Variants in YTHDC1 observed in about 807,000 individuals in gnomAD.
YTHDC1 encodes YTH domain-containing protein 1.
Under a neutral mutation model 107.0 loss-of-function variants are expected in YTHDC1, and 12 were observed. The observed-to-expected ratio is 0.11, with a 90% CI of 0.07 to 0.18. The LOEUF is 0.18. Among genes scored for constraint, YTHDC1 ranks in the 10% least tolerant of loss-of-function variants. The pLI, the probability that YTHDC1 is intolerant of heterozygous loss-of-function variation, is 1.00. For missense variants in YTHDC1, 635 were observed against 898.8 expected, an observed-to-expected ratio of 0.71 and a Z score of 3.75; for synonymous variants, 280 against 289.5, an observed-to-expected ratio of 0.97 and a Z score of 0.33.
chr4:68,346,100 T>TATATATATATATATATATATATATATAC (rs144743953), intron 1 of YTHDC1, among the ~76,000 whole-genome samples: 3 of 134,122 alleles, frequency 2.2e-5, no homozygotes, highest in Admixed American at 7.6e-5. Flanking sequence ...TATATATATA[T>TATATATATATATATATATATATATATAC]ACACACACAC....
chr4:68,338,246 C>T lies in YTHDC1; in HGVS notation c.130+37G>A, dbSNP rs201537769. ...AGAAATTGAATCTCCTCTATTTATA[C>T]TGTTATTTCAACAAAAATAATAGAA... On this transcript the variant is annotated intron_variant, in intron 2 of 16. Coordinates refer to ENST00000344157, the MANE Select transcript of YTHDC1 (RefSeq NM_001031732.4). 6 of 1,528,524 alleles carry T rather than the reference C, an allele frequency of 3.9e-6. No individual in the cohort carries two copies. The African/African-American group carries it at 8.3e-5, about 21-fold the overall frequency. 94.7% of individuals were successfully genotyped at this position (1,528,524 alleles called of 1,614,324 possible).
chr4:68,349,881 T>G lies in YTHDC1; in HGVS notation c.-128A>C, dbSNP rs1281373794. 7 of 1,335,490 alleles carry G rather than the reference T, an allele frequency of 5.2e-6. No individual in the cohort carries two copies. The highest frequency in any genetic ancestry group is 7.4e-6 in the Non-Finnish European group (7 of 948,046). 82.7% of individuals were successfully genotyped at this position (1,335,490 alleles called of 1,614,324 possible). A position where few individuals can be genotyped will look rare whatever the true frequency, so the allele number is the denominator to read the frequency against. On this transcript the variant is annotated 5_prime_UTR_variant, in exon 1 of 17. Coordinates refer to ENST00000344157, the MANE Select transcript of YTHDC1 (RefSeq NM_001031732.4). ...GTCTGCCCGGATACGCGCGTCGCAC[T>G]TGGCCTCTTAACACTCAGCCTTCTC...
intron 4 of YTHDC1, among the ~76,000 whole-genome samples, chr4:68,335,914 T>C (rs941937395): frequency 2.6e-5 from 4 of 150,944 alleles, no homozygotes; most frequent in Admixed American, 6.6e-5. Flanking sequence ...TTGAAAGCAC[T>C]TCAGTTGCCA....
intron 15 of YTHDC1, among the ~76,000 whole-genome samples, chr4:68,318,071 G>A (rs534445207): frequency 5.3e-5 from 8 of 152,126 alleles, no homozygotes; most frequent in Admixed American, 2.0e-4. Context: ...TTGAAAGACA[G>A]CATACAATTA....
At position 68,338,269 on chromosome 4, in the gene YTHDC1, G is replaced by T; in HGVS notation, c.130+14C>A. ...TACTGTTATTTCAACAAAAATAATA[G>T]AACTCTTACATACCCTTTTTCTCAT... On this transcript the variant is annotated intron_variant, in intron 2 of 16. Transcript: ENST00000344157. 1 of 1,579,184 alleles carries T rather than the reference G, an allele frequency of 6.3e-7. No homozygotes were observed. Among genetic ancestry groups the T allele is most frequent in the Non-Finnish European group, 8.6e-7 (1 of 1,158,730 alleles).
chr4:68,316,263 C>T, intron 16 of YTHDC1, 51 bp downstream of exon 16: 1 of 1,555,868 alleles, frequency 6.4e-7, no homozygotes, highest in Non-Finnish European at 8.7e-7. Flanking sequence ...TTTAAGTTAC[C>T]TACAGAATTC....
Position 68,314,047 on chromosome 4 carries a change from A to G in YTHDC1, c.*52T>C. ...TACTACTTGTAAACACACACAAAAA[A>G]AAAATACAAGATTTTTTGTATCTTT... On this transcript the variant is annotated 3_prime_UTR_variant, in exon 17 of 17. Transcript: ENST00000344157. 2 of 1,578,144 alleles carry G rather than the reference A, an allele frequency of 1.3e-6. No homozygotes were observed. The highest frequency in any genetic ancestry group is 1.7e-6 in the Non-Finnish European group (2 of 1,158,996).
At chr4:68,346,543 T>A (rs1481530453) in intron 1 of YTHDC1, among the ~76,000 whole-genome samples, 1 of 152,220 alleles carries the variant, frequency 6.6e-6, no homozygotes, top group Non-Finnish European at 1.5e-5. Context: ...GTGCGCTAAG[T>A]AGTGTGATGA....
At chr4:68,335,846 T>C (rs945994267) in intron 4 of YTHDC1, among the ~76,000 whole-genome samples, 3 of 151,448 alleles carry the variant, frequency 2.0e-5, no homozygotes, top group South Asian at 2.1e-4. Context: ...TGTTTAACTC[T>C]ACCTCCCTTG....
chr4:68,324,838 A>C (rs1232227740), intron 9 of YTHDC1, among the ~76,000 whole-genome samples: 2 of 152,200 alleles, frequency 1.3e-5, no homozygotes, highest in African/African-American at 4.8e-5. Flanking sequence ...CTGAAACTCA[A>C]GGGCAGTATC....
chr4:68,330,085 T>C lies in YTHDC1; in HGVS notation c.1266A>G (p.Gly422=), dbSNP rs768883447. The C allele has an allele frequency of 1.2e-5, 20 of 1,613,590 alleles. No individual in the cohort carries two copies. Among genetic ancestry groups the C allele is most frequent in the Non-Finnish European group, 1.6e-5 (19 of 1,179,650 alleles). ...GAAGCACCCAGTGTATAGGAGATCC[T>C]CCGTGATGTGATTCTGAAGAAAGTC... ...FARLSSESHH[G]GSPIHWVLPA... is the part of the protein sequence containing the mutation. Residue 422 remains glycine, a synonymous_variant, in exon 9 of 17, where the codon GGA becomes GGG. Coordinates refer to ENST00000344157, the MANE Select transcript of YTHDC1 (RefSeq NM_001031732.4).
Position 68,337,136 on chromosome 4 carries a change from T to C in YTHDC1, c.774A>G (p.Lys258=), listed in dbSNP as rs771190731. 4 of 1,613,922 alleles carry C rather than the reference T, an allele frequency of 2.5e-6. No individual in the cohort carries two copies. The highest frequency in any genetic ancestry group is 1.6e-4 in the Middle Eastern group (1 of 6,084). Residue 258 remains lysine, a synonymous_variant, in exon 4 of 17, where the codon AAA becomes AAG. Coordinates refer to ENST00000344157, the MANE Select transcript of YTHDC1 (RefSeq NM_001031732.4). ...EEYEQDERDQ[K]EEGNDYDTRS... is the part of the protein sequence containing the mutation. ...GAGTGTCATAATCATTTCCCTCCTC[T>C]TTCTGGTCTCTCTCATCCTGTTCAT...
rs1263256329 is a variant in YTHDC1 at position 68,349,843 on chromosome 4, C to G, written c.-90G>C. On this transcript the variant is annotated 5_prime_UTR_variant, in exon 1 of 17. Coordinates refer to ENST00000344157, the MANE Select transcript of YTHDC1 (RefSeq NM_001031732.4). ...CGCAGCCGCGGCAGAAGCACGGGCC[C>G]GTCCGTCAGTCCGTCTGCCCGGATA... 7 of 1,579,848 alleles carry G rather than the reference C, an allele frequency of 4.4e-6. No homozygotes were observed. In the Admixed American group the frequency reaches 1.2e-4, roughly 27 times the overall value.
At position 68,348,185 on chromosome 4, in the gene YTHDC1, T is replaced by A. The variant is rs550009068; in HGVS notation, c.28+1541A>T. On this transcript the variant is annotated intron_variant, in intron 1 of 16. Transcript: ENST00000344157. Reference sequence around the variant, plus strand: ...AATCATCTACTTTTCTTCTTCAATGTGCATTACTGCGTCTACTCTATTAAC... The same window carrying A: ...AATCATCTACTTTTCTTCTTCAATGAGCATTACTGCGTCTACTCTATTAAC... Among the ~76,000 whole-genome samples the A allele has an allele frequency of 2.6e-5, 4 of 152,310 alleles. No individual in the cohort carries two copies. The South Asian group carries it at 8.3e-4, about 32-fold the overall frequency.
Position 68,313,770 on chromosome 4 carries a change from G to A in YTHDC1, c.*329C>T, listed in dbSNP as rs1399870549. On this transcript the variant is annotated 3_prime_UTR_variant, in exon 17 of 17. Transcript: ENST00000344157. ...GCAGTTATCAATCAAGATCCAAAAA[G>A]GAAAAAAACAAACAAAAAAATAACT... 9 of 266,876 alleles carry A rather than the reference G, an allele frequency of 3.4e-5. No individual in the cohort carries two copies. The highest frequency in any genetic ancestry group is 5.7e-5 in the Non-Finnish European group (8 of 140,714). 16.5% of individuals were successfully genotyped at this position (266,876 alleles called of 1,614,324 possible).
chr4:68,327,566 G>A (rs1444687954), intron 9 of YTHDC1, among the ~76,000 whole-genome samples: 1 of 152,152 alleles, frequency 6.6e-6, no homozygotes, highest in Admixed American at 6.6e-5. Context: ...ACTGATGTAA[G>A]TGATCCAGGG....
intron 9 of YTHDC1, among the ~76,000 whole-genome samples, chr4:68,325,439 C>T (rs908419612): frequency 6.6e-6 from 1 of 152,130 alleles, no homozygotes; most frequent in East Asian, 1.9e-4. Context: ...AAGAGAAGGG[C>T]TAGAACACAG....
intron 1 of YTHDC1, chr4:68,344,099 G>C (rs1725147447): frequency 6.6e-6 from 1 of 151,908 alleles, no homozygotes; most frequent in Non-Finnish European, 1.5e-5. Context: ...ACACAGAGAA[G>C]GTAACATATG....
In YTHDC1 at chr4:68,346,144, G is replaced by A. The variant is rs923912859; in HGVS notation, c.28+3582C>T. Among the ~76,000 whole-genome samples the A allele has an allele frequency of 6.0e-5, 9 of 149,692 alleles. No homozygotes were observed. In the East Asian group the frequency reaches 7.9e-4, roughly 13 times the overall value. On this transcript the variant is annotated intron_variant, in intron 1 of 16. Coordinates refer to ENST00000344157, the MANE Select transcript of YTHDC1 (RefSeq NM_001031732.4). Reference sequence around the variant, plus strand: ...AACCGTCTGTATAACGGCTGGGCACGGTGGCTCACACCTGTAATTCCAGCA... The same window carrying A: ...AACCGTCTGTATAACGGCTGGGCACAGTGGCTCACACCTGTAATTCCAGCA...
Sources: allele counts gnomAD v4.1 joint callset (sites outside exome capture counted in the v4.1 genomes callset), GRCh38; gene constraint gnomAD v4.1.1; transcripts MANE v1.5; gene names NCBI Gene and HGNC (gene_info 2026-07-23, HGNC 2026-07-21).